The following SCGB2B2 variants were observed in gnomAD, a reference collection of about 807,000 sequenced individuals.
The protein encoded by SCGB2B2 is secretoglobin family 2B member 2.
SCGB2B2 carries 11 observed loss-of-function variants against 7.6 expected under a neutral mutation model. That is an observed-to-expected ratio of 1.45 (90% CI 0.91 to 2.40). The LOEUF (loss-of-function observed/expected upper bound fraction) is 2.40, where lower values mean the gene tolerates loss of function less well. SCGB2B2 is among the 30% of genes most tolerant of loss of function. The pLI is 0.00. For missense variants in SCGB2B2, 104 were observed against 115.4 expected, an observed-to-expected ratio of 0.90 and a Z score of 0.45; for synonymous variants, 50 against 48.6, an observed-to-expected ratio of 1.03 and a Z score of -0.12.
chr19:34,615,746 T>A (rs1460275926), intron 1 of SCGB2B2, among the ~76,000 whole-genome samples: 1 of 152,022 alleles, frequency 6.6e-6, no homozygotes, highest in Non-Finnish European at 1.5e-5. Flanking sequence ...GAGTTTAAAA[T>A]AGATTGGTTA....
chr19:34,588,799 C>A (rs1327955568), downstream of SCGB2B2, among the ~76,000 whole-genome samples: 2 of 151,938 alleles, frequency 1.3e-5, no homozygotes, highest in African/African-American at 4.8e-5. Context: ...TATGGGGTGA[C>A]CGATGGATGG....
At chr19:34,608,272 T>C (rs915672970) in intron 1 of SCGB2B2, among the ~76,000 whole-genome samples, 1 of 152,120 alleles carries the variant, frequency 6.6e-6, no homozygotes, top group Admixed American at 6.6e-5. Context: ...ATTATCAATG[T>C]ATATAAATGT....
At chr19:34,616,972 T>G (rs992811158) in intron 1 of SCGB2B2, among the ~76,000 whole-genome samples, 1 of 152,174 alleles carries the variant, frequency 6.6e-6, no homozygotes, top group African/African-American at 2.4e-5. Context: ...TTTTTCTTAG[T>G]TTTGTCAAAG....
At chr19:34,614,428 T>C (rs981344700) in intron 1 of SCGB2B2, among the ~76,000 whole-genome samples, 1 of 152,176 alleles carries the variant, frequency 6.6e-6, no homozygotes, top group Non-Finnish European at 1.5e-5. Flanking sequence ...TAAATTTCAT[T>C]CATTGAATTC....
chr19:34,651,553 C>T (rs1373848835), intron 1 of SCGB2B2, among the ~76,000 whole-genome samples: 1 of 151,046 alleles, frequency 6.6e-6, no homozygotes, highest in Non-Finnish European at 1.5e-5. Flanking sequence ...AAAAGAAATG[C>T]TTCAGAATAA....
chr19:34,658,150 A>G (rs1231805234), intron 1 of SCGB2B2, among the ~76,000 whole-genome samples: 1 of 152,238 alleles, frequency 6.6e-6, no homozygotes, highest in African/African-American at 2.4e-5. Context: ...AGGAGGAGAG[A>G]TCTAAAATCG....
chr19:34,603,257 T>G (rs189399142), intron 1 of SCGB2B2, among the ~76,000 whole-genome samples: 34 of 152,320 alleles, frequency 2.2e-4, no homozygotes, highest in Admixed American at 2.2e-3. Flanking sequence ...GTCTAACATT[T>G]CACACCACCA....
intron 1 of SCGB2B2, among the ~76,000 whole-genome samples, chr19:34,619,417 T>A (rs890126325): frequency 2.7e-3 from 11 of 4,130 alleles, no homozygotes; most frequent in Non-Finnish European, 9.5e-3. Context: ...GGCTTTTGAA[T>A]TTTTTTTACT....
intron 1 of SCGB2B2, among the ~76,000 whole-genome samples, chr19:34,621,016 T>C (rs931607392): frequency 2.6e-5 from 4 of 152,282 alleles, no homozygotes; most frequent in Middle Eastern, 3.4e-3. Flanking sequence ...AAAAAGAGAA[T>C]GTTCCTATTC....
intron 1 of SCGB2B2, among the ~76,000 whole-genome samples, chr19:34,626,025 C>G (rs1454935233): frequency 1.3e-5 from 2 of 152,204 alleles, no homozygotes; most frequent in African/African-American, 2.4e-5. Context: ...GAGTGGACCT[C>G]CAGCAAACTC....
rs1341965795 is a variant in SCGB2B2, at chr19:34,593,591, G to C, written c.255C>G (p.Ile85Met). The stretch of plus-strand genomic sequence containing the variant: ...CTTCTATGCAATCGTTGCTCTGAAG[G>C]ATCTTCTTCTGTTGGAAAAAGAAGA... Reference protein sequence around the residue: ...RFAHSVVIKKILQSNDCIEAA... With the variant: ...RFAHSVVIKKMLQSNDCIEAA... The change falls in exon 4 of 4, where the codon ATC (isoleucine) becomes ATG (methionine). Residue 85 changes from isoleucine to methionine, a missense_variant. Physicochemically the swap from Ile to Met is conservative, Grantham distance 10 (BLOSUM62 1). Coordinates refer to ENST00000601241, the MANE Select transcript of SCGB2B2 (RefSeq NM_001025591.4). 1 of 1,553,074 alleles carries C rather than the reference G, an allele frequency of 6.4e-7. No homozygotes were observed. The highest frequency in any genetic ancestry group is 1.4e-5 in the African/African-American group (1 of 73,230).
rs71165673 is a variant in SCGB2B2 at position 34,608,660 on chromosome 19, C to CATATATATATATATATATATATATATAT, written c.-2031-12067_-2031-12066insATATATATATATATATATATATATATAT. 63 of 87,184 alleles carry CATATATATATATATATATATATATATAT rather than the reference C, an allele frequency of 7.2e-4. 1 individual carries two copies. The highest frequency in any genetic ancestry group is 3.0e-3 in the East Asian group (7 of 2,300). The allele number at this position is 87,184 out of a possible 1,614,324, so 5.4% of individuals were successfully genotyped here. ...ATTTTTTATGGCTAGTGTCTCATTG[C>CATATATATATATATATATATATATATAT]ATATATATATATATATATATATATA... On this transcript the variant is annotated intron_variant, in intron 1 of 3. Coordinates refer to ENST00000601241, the MANE Select transcript of SCGB2B2 (RefSeq NM_001025591.4).
At chr19:34,589,873 G>A (rs2065258964), downstream of SCGB2B2, among the ~76,000 whole-genome samples, 1 of 152,136 alleles carries the variant, frequency 6.6e-6, no homozygotes, top group Non-Finnish European at 1.5e-5. Flanking sequence ...TGGAGCCGCA[G>A]GTGCTGCCAT....
At chr19:34,598,547 G>T (rs1051573587) in intron 1 of SCGB2B2, among the ~76,000 whole-genome samples, 27 of 152,168 alleles carry the variant, frequency 1.8e-4, no homozygotes, top group Non-Finnish European at 4.4e-5. Context: ...TTTTGGGGTG[G>T]TGGGGTCTGG....
chr19:34,604,343 C>A (rs1471926624), intron 1 of SCGB2B2, among the ~76,000 whole-genome samples: 2 of 152,168 alleles, frequency 1.3e-5, no homozygotes, highest in African/African-American at 4.8e-5. Context: ...TATGAGATTA[C>A]CTTTTCCTTA....
intron 1 of SCGB2B2, among the ~76,000 whole-genome samples, chr19:34,655,480 C>A (rs2067258405): frequency 6.6e-6 from 1 of 151,074 alleles, no homozygotes; most frequent in African/African-American, 2.5e-5. Flanking sequence ...GATGCCCCCC[C>A]AACCCCACTT....
intron 1 of SCGB2B2, among the ~76,000 whole-genome samples, chr19:34,605,000 T>G (rs1297700906): frequency 1.3e-5 from 2 of 152,240 alleles, no homozygotes; most frequent in Non-Finnish European, 2.9e-5. Flanking sequence ...GAAAGTTTCC[T>G]TGTACCTCTT....
chr19:34,610,140 A>AT (rs913404083), intron 1 of SCGB2B2, among the ~76,000 whole-genome samples: 18 of 151,782 alleles, frequency 1.2e-4, no homozygotes, highest in Admixed American at 3.3e-4. Flanking sequence ...AATGCTACTG[A>AT]TTTTTGTATG....
chr19:34,596,687 A>T (rs2065466182), intron 1 of SCGB2B2, 93 bp from the exon 2 acceptor site: 1 of 151,826 alleles, frequency 6.6e-6, no homozygotes, highest in South Asian at 2.1e-4. Flanking sequence ...CCATTTGGGG[A>T]CCCTCCCCAG....
Sources: gnomAD v4.1 joint callset for allele counts (sites outside exome capture counted in the v4.1 genomes callset) on GRCh38, gnomAD v4.1.1 for gene constraint, MANE v1.5 for transcripts, NCBI Gene and HGNC (gene_info 2026-07-23, HGNC 2026-07-21) for gene names.